Variants in PTPN9 observed in about 807,000 individuals in gnomAD.
PTPN9 encodes protein tyrosine phosphatase non-receptor type 9.
A neutral mutation model predicts 69.8 loss-of-function variants in PTPN9; 26 were observed. The observed-to-expected ratio is 0.37, with a 90% CI of 0.27 to 0.52. PTPN9 has a LOEUF of 0.52. PTPN9 is among the 20% of genes least tolerant of loss of function. The pLI is 0.91. For missense variants in PTPN9, 549 were observed against 740.3 expected (o/e 0.74, Z 3.00); for synonymous variants, 274 against 272.5 (o/e 1.01, Z -0.05).
chr15:75,465,480 G>A lies in PTPN9; in HGVS notation c.*3289C>T, dbSNP rs1167346108. 6.6e-6 allele frequency: 1 copy of A among 152,210 alleles called. No individual in the cohort carries two copies. The allele number at this position is 152,210 out of a possible 1,614,324, so 9.4% of individuals were successfully genotyped here. A position where few individuals can be genotyped will look rare whatever the true frequency, so the allele number is the denominator to read the frequency against. ...TGACTTGCCAAACAGATTCTGGGTT[G>A]CGTCTCTGCCTTCCCTTTCCTTTAC... On this transcript the variant is annotated 3_prime_UTR_variant, in exon 13 of 13. Coordinates refer to ENST00000618819, the MANE Select transcript of PTPN9 (RefSeq NM_002833.4).
Position 75,560,340 on chromosome 15 carries a change from C to G in PTPN9, c.63+18374G>C, listed in dbSNP as rs533226561. On this transcript the variant is annotated intron_variant, in intron 1 of 12. Coordinates refer to ENST00000618819, the MANE Select transcript of PTPN9 (RefSeq NM_002833.4). The stretch of plus-strand genomic sequence containing the variant: ...TTGTATATTTTAATCTTGCTGGCTA[C>G]ACCACTTCTAAGTCCCTAACCTAGC... Among the ~76,000 whole-genome samples the G allele has an allele frequency of 2.0e-5, 3 of 152,202 alleles. No individual in the cohort carries two copies. In the South Asian group the frequency reaches 6.2e-4, roughly 32 times the overall value.
chr15:75,526,988 G>C (rs1422408168), intron 2 of PTPN9, 130 bp downstream of exon 2: 6 of 1,185,134 alleles, frequency 5.1e-6, no homozygotes, highest in Non-Finnish European at 7.1e-6. Flanking sequence ...AGGGCTCCTG[G>C]ATATGGATCC....
chr15:75,550,601 A>G (rs1006139213), intron 1 of PTPN9, among the ~76,000 whole-genome samples: 1 of 151,550 alleles, frequency 6.6e-6, no homozygotes, highest in East Asian at 2.0e-4. Flanking sequence ...CAGCCTGTCC[A>G]ACATGGTGAA....
intron 1 of PTPN9, among the ~76,000 whole-genome samples, chr15:75,550,175 T>C (rs1313063861): frequency 1.3e-5 from 2 of 151,704 alleles, no homozygotes; most frequent in East Asian, 1.9e-4. Flanking sequence ...TAGTTTTTTT[T>C]TTTTTTTTGA....
chr15:75,469,419 C>T (rs1047552091), intron 12 of PTPN9, among the ~76,000 whole-genome samples: 1 of 152,254 alleles, frequency 6.6e-6, no homozygotes, highest in Non-Finnish European at 1.5e-5. Context: ...GCAAAAGCTG[C>T]TAACTGGCTC....
chr15:75,528,910 C>A (rs2074942840), intron 1 of PTPN9, among the ~76,000 whole-genome samples: 1 of 151,500 alleles, frequency 6.6e-6, no homozygotes, highest in East Asian at 1.9e-4. Context: ...CTTTGTTGGC[C>A]AGGCTGGTCT....
chr15:75,540,076 A>T (rs889541177), intron 1 of PTPN9, among the ~76,000 whole-genome samples: 1 of 152,222 alleles, frequency 6.6e-6, no homozygotes, highest in African/African-American at 2.4e-5. Flanking sequence ...AGGTATCATT[A>T]AAAAATTTAA....
At chr15:75,483,065 A>G (rs1055748993) in intron 8 of PTPN9, among the ~76,000 whole-genome samples, 4 of 152,246 alleles carry the variant, frequency 2.6e-5, no homozygotes, top group Non-Finnish European at 5.9e-5. Flanking sequence ...GATAGATAAT[A>G]CTGTTGGCAA....
At chr15:75,576,191 C>A (rs760404989) in intron 1 of PTPN9, among the ~76,000 whole-genome samples, 2 of 151,368 alleles carry the variant, frequency 1.3e-5, no homozygotes, top group Non-Finnish European at 2.9e-5. Flanking sequence ...GAGATCACAA[C>A]GCTACACTTC....
intron 1 of PTPN9, among the ~76,000 whole-genome samples, chr15:75,567,798 C>T (rs1348680324): frequency 6.6e-6 from 1 of 151,308 alleles, no homozygotes; most frequent in Admixed American, 6.6e-5. Flanking sequence ...AGATCAATAC[C>T]GTCCTGACTA....
chr15:75,478,297 G>A (rs1456822856), intron 9 of PTPN9, among the ~76,000 whole-genome samples: 2 of 152,016 alleles, frequency 1.3e-5, no homozygotes, highest in Non-Finnish European at 2.9e-5. Flanking sequence ...TAGAAACGTG[G>A]TTTCTCCATG....
At chr15:75,563,564 G>C (rs968597282) in intron 1 of PTPN9, among the ~76,000 whole-genome samples, 2 of 152,168 alleles carry the variant, frequency 1.3e-5, no homozygotes, top group African/African-American at 4.8e-5. Flanking sequence ...AGAAAGATAT[G>C]ATCTTTTTTA....
intron 7 of PTPN9, among the ~76,000 whole-genome samples, chr15:75,496,497 A>AT (rs142240420): frequency 0.58 from 86,148 of 147,420 alleles, 26,411 homozygotes; most frequent in African/African-American, 0.78. Context: ...AGTATTATTA[A>AT]CTTTTTTTTT....
intron 1 of PTPN9, among the ~76,000 whole-genome samples, chr15:75,558,681 G>T (rs1361591266): frequency 6.6e-6 from 1 of 152,170 alleles, no homozygotes; most frequent in African/African-American, 2.4e-5. Context: ...GGCGCGCGCC[G>T]CCACACCTGA....
At chr15:75,543,155 C>A (rs1414681127) in intron 1 of PTPN9, among the ~76,000 whole-genome samples, 1 of 151,924 alleles carries the variant, frequency 6.6e-6, no homozygotes, top group Non-Finnish European at 1.5e-5. Context: ...CAGTTTCATC[C>A]ATGTCCCTAC....
At chr15:75,540,884 C>G (rs1567513248) in intron 1 of PTPN9, among the ~76,000 whole-genome samples, 3 of 151,630 alleles carry the variant, frequency 2.0e-5, no homozygotes, top group Admixed American at 6.6e-5. Context: ...TTGAGACCAG[C>G]CTGGGCAACA....
At chr15:75,578,625 C>G in intron 1 of PTPN9, 89 bp downstream of exon 1, 1 of 1,087,772 alleles carries the variant, frequency 9.2e-7, no homozygotes, top group Non-Finnish European at 1.2e-6. Context: ...GGCCCCGTGG[C>G]TGCAAAGAGC....
intron 1 of PTPN9, among the ~76,000 whole-genome samples, chr15:75,558,408 G>A (rs1270291298): frequency 1.3e-5 from 2 of 152,164 alleles, no homozygotes; most frequent in African/African-American, 2.4e-5. Context: ...TCGGAAGGCT[G>A]AGGCACGAGA....
chr15:75,483,219 C>T (rs1216486854), intron 8 of PTPN9, among the ~76,000 whole-genome samples: 1 of 152,174 alleles, frequency 6.6e-6, no homozygotes, highest in Non-Finnish European at 1.5e-5. Context: ...CCCAGCAATT[C>T]CACTCCTTAG....
Sources: gnomAD v4.1 joint callset for allele counts (sites outside exome capture counted in the v4.1 genomes callset) on GRCh38, gnomAD v4.1.1 for gene constraint, MANE v1.5 for transcripts, NCBI Gene and HGNC (gene_info 2026-07-23, HGNC 2026-07-21) for gene names.